The following JARID2 variants were observed in gnomAD, a reference collection of about 807,000 sequenced individuals.
JARID2 encodes jumonji and AT-rich interaction domain containing 2.
A neutral mutation model predicts 125.6 loss-of-function variants in JARID2; 21 were observed. That is an observed-to-expected ratio of 0.17 (90% CI 0.12 to 0.24). The LOEUF is 0.24. JARID2 is among the 10% of genes least tolerant of loss of function. JARID2 has a pLI of 1.00. For missense variants in JARID2, 1,303 were observed against 1,639.6 expected (o/e 0.79, Z 3.55); for synonymous variants, 736 against 661.6 (o/e 1.11, Z -1.73).
intron 5 of JARID2, among the ~76,000 whole-genome samples, chr6:15,484,516 T>C (rs911810453): frequency 1.2e-4 from 19 of 152,240 alleles, no homozygotes; most frequent in Non-Finnish European, 1.9e-4. Flanking sequence ...TAACCTGAGA[T>C]GGCCCTTTTA....
chr6:15,278,116 C>A (rs961166692), intron 1 of JARID2, among the ~76,000 whole-genome samples: 2 of 151,830 alleles, frequency 1.3e-5, no homozygotes, highest in African/African-American at 4.8e-5. Context: ...GCCTGTAATC[C>A]CAGGCTGAAG....
intron 2 of JARID2, among the ~76,000 whole-genome samples, chr6:15,375,999 A>C (rs2237161): frequency 0.15 from 22,938 of 152,210 alleles, 1,789 homozygotes; most frequent in East Asian, 0.17. Context: ...ACAAAAACTA[A>C]AGTTTGTCAT....
intron 3 of JARID2, among the ~76,000 whole-genome samples, chr6:15,418,017 G>A (rs987949854): frequency 6.6e-6 from 1 of 152,102 alleles, no homozygotes; most frequent in African/African-American, 2.4e-5. Flanking sequence ...TTGAGTCACG[G>A]GAAGGACCCT....
chr6:15,278,542 C>T (rs1437140346), intron 1 of JARID2, among the ~76,000 whole-genome samples: 3 of 150,554 alleles, frequency 2.0e-5, no homozygotes, highest in Non-Finnish European at 1.5e-5. Context: ...GCCGAGATCG[C>T]GCCACTGCAC....
intron 1 of JARID2, among the ~76,000 whole-genome samples, chr6:15,348,309 C>G (rs1033985862): frequency 6.6e-6 from 1 of 152,148 alleles, no homozygotes; most frequent in Non-Finnish European, 1.5e-5. Context: ...CCAGTCCGGT[C>G]TGGAACTCCT....
chr6:15,507,550 G>A, intron 11 of JARID2, 134 bp downstream of exon 11: 3 of 672,030 alleles, frequency 4.5e-6, no homozygotes, highest in Non-Finnish European at 7.7e-6. Context: ...GACATACAGT[G>A]AAAATTGATT....
At chr6:15,283,144 A>C (rs1385907463) in intron 1 of JARID2, among the ~76,000 whole-genome samples, 2 of 144,426 alleles carry the variant, frequency 1.4e-5, no homozygotes, top group African/African-American at 5.2e-5. Context: ...ACGCCCGGCT[A>C]ATTTTTTGTA....
intron 4 of JARID2, among the ~76,000 whole-genome samples, chr6:15,465,049 TC>T (rs1157754141): frequency 6.6e-6 from 1 of 152,186 alleles, no homozygotes. Flanking sequence ...TTTTAGCCCC[TC>T]ACTTTCTTTC....
intron 4 of JARID2, among the ~76,000 whole-genome samples, chr6:15,463,762 C>T (rs1049464063): frequency 4.6e-5 from 7 of 152,222 alleles, no homozygotes; most frequent in East Asian, 3.9e-4. Context: ...CTGCTAGATA[C>T]GAAGTTTCTA....
At chr6:15,465,054 T>C (rs944651251) in intron 4 of JARID2, among the ~76,000 whole-genome samples, 2 of 152,214 alleles carry the variant, frequency 1.3e-5, no homozygotes, top group Non-Finnish European at 2.9e-5. Flanking sequence ...GCCCCTCACT[T>C]TCTTTCCCAG....
Position 15,493,495 on chromosome 6 carries a change from G to C in JARID2, c.907-2637G>C, listed in dbSNP as rs576896350. Among the ~76,000 whole-genome samples the C allele has an allele frequency of 3.9e-5, 6 of 152,256 alleles. No homozygotes were observed. In the South Asian group the frequency reaches 8.3e-4, roughly 21 times the overall value. On this transcript the variant is annotated intron_variant, in intron 6 of 17. Coordinates refer to ENST00000341776, the MANE Select transcript of JARID2 (RefSeq NM_004973.4). Reference sequence around the variant, plus strand: ...CGATATACGAAGCCGCACTGTGTCCGTCTCCTTAAGGAGACTCTTGTGCTG... The same window carrying C: ...CGATATACGAAGCCGCACTGTGTCCCTCTCCTTAAGGAGACTCTTGTGCTG...
chr6:15,315,637 T>C (rs183688564), intron 1 of JARID2, among the ~76,000 whole-genome samples: 1 of 152,348 alleles, frequency 6.6e-6, no homozygotes, highest in African/African-American at 2.4e-5. Context: ...TTCATCTGCT[T>C]CAGGTGGCTT....
At chr6:15,427,968 TTAAC>T (rs1298997757) in intron 3 of JARID2, among the ~76,000 whole-genome samples, 5 of 152,086 alleles carry the variant, frequency 3.3e-5, no homozygotes, top group Admixed American at 6.5e-5. Flanking sequence ...GCACAGTGCT[TTAAC>T]TAAGATGAGA....
intron 5 of JARID2, among the ~76,000 whole-genome samples, chr6:15,470,029 T>C (rs1219488590): frequency 1.3e-5 from 2 of 151,748 alleles, no homozygotes; most frequent in African/African-American, 4.8e-5. Context: ...ATACATAAAT[T>C]AGCCGGGCAT....
intron 2 of JARID2, among the ~76,000 whole-genome samples, chr6:15,380,232 A>G (rs1165713262): frequency 6.6e-6 from 1 of 151,926 alleles, no homozygotes; most frequent in Non-Finnish European, 1.5e-5. Flanking sequence ...AGAGGGTTTC[A>G]CCATGTTGGC....
intron 3 of JARID2, 113 bp downstream of exon 3, chr6:15,410,478 T>C (rs1765830656): frequency 1.0e-6 from 1 of 992,190 alleles, no homozygotes; most frequent in Non-Finnish European, 1.5e-6. Context: ...TTGATTTTCA[T>C]AGAGGAGCCA....
intron 5 of JARID2, among the ~76,000 whole-genome samples, chr6:15,478,964 C>T (rs545317025): frequency 7.9e-5 from 12 of 152,260 alleles, no homozygotes; most frequent in Admixed American, 6.5e-4. Flanking sequence ...CGTGCCCGGC[C>T]GGATTTAGGG....
intron 1 of JARID2, among the ~76,000 whole-genome samples, chr6:15,270,295 G>T (rs1439694208): frequency 1.3e-5 from 2 of 152,128 alleles, no homozygotes; most frequent in East Asian, 3.9e-4. Flanking sequence ...ACCACACCTG[G>T]CTAATTTGGT....
At chr6:15,404,222 T>G (rs1765555738) in intron 2 of JARID2, among the ~76,000 whole-genome samples, 1 of 152,170 alleles carries the variant, frequency 6.6e-6, no homozygotes, top group South Asian at 2.1e-4. Flanking sequence ...CCCCTCTCCC[T>G]GGAGCTCTGT....
Sources: allele counts gnomAD v4.1 joint callset (sites outside exome capture counted in the v4.1 genomes callset), GRCh38; gene constraint gnomAD v4.1.1; transcripts MANE v1.5; gene names NCBI Gene and HGNC (gene_info 2026-07-23, HGNC 2026-07-21).